The following CNTN6 variants were observed in gnomAD, a reference collection of about 807,000 sequenced individuals.
CNTN6 encodes contactin 6.
A neutral mutation model predicts 122.8 loss-of-function variants in CNTN6; 137 were observed. That is an observed-to-expected ratio of 1.12 (90% CI 0.97 to 1.29). The LOEUF (loss-of-function observed/expected upper bound fraction) is 1.29. Among genes scored for constraint, CNTN6 ranks in the 50% most tolerant of loss-of-function variants. The pLI is 0.00. For synonymous variants in CNTN6, 570 were observed against 426.0 expected (o/e 1.34, Z -4.16); for missense variants, 1,634 against 1,223.4 (o/e 1.34, Z -5.01).
chr3:1,381,034 GTC>G (rs1300638462), intron 17 of CNTN6, among the ~76,000 whole-genome samples: 2 of 152,086 alleles, frequency 1.3e-5, no homozygotes, highest in Non-Finnish European at 2.9e-5. Context: ...ATCTAAATAA[GTC>G]TCTTTTTTCC....
Position 1,121,156 on chromosome 3 carries a change from C to T in CNTN6, c.-82-26771C>T, listed in dbSNP as rs146765636. ...TGGCCTCTTTATTTTCTATGTAACT[C>T]CCTTTCCTTTTTCTGTGTCTTCATA... On this transcript the variant is annotated intron_variant, in intron 1 of 22. Coordinates refer to ENST00000446702, the MANE Select transcript of CNTN6 (RefSeq NM_001289080.2). 6.6e-5 allele frequency among the ~76,000 whole-genome samples: 10 copies of T among 152,006 alleles called. No homozygotes were observed. In the East Asian group the frequency reaches 1.5e-3, roughly 24 times the overall value.
chr3:1,182,973 G>A (rs1183864637), intron 2 of CNTN6, among the ~76,000 whole-genome samples: 1 of 152,000 alleles, frequency 6.6e-6, no homozygotes, highest in Non-Finnish European at 1.5e-5. Flanking sequence ...AGTGATTATT[G>A]TTTAAAAAAA....
chr3:1,131,645 G>C (rs551096468), intron 1 of CNTN6, among the ~76,000 whole-genome samples: 1 of 152,228 alleles, frequency 6.6e-6, no homozygotes, highest in East Asian at 1.9e-4. Flanking sequence ...GAACCTCCAG[G>C]GATAGAGCTG....
intron 11 of CNTN6, among the ~76,000 whole-genome samples, chr3:1,348,155 G>GAAAAAAAAAAAAAAAAAAAAAAAAAAA (rs1457391939): frequency 4.5e-5 from 1 of 21,980 alleles, no homozygotes; most frequent in African/African-American, 4.1e-4. Context: ...CTATGCTATA[G>GAAAAAAAAAAAAAAAAAAAAAAAAAAA]ACAAAAAAAA....
intron 7 of CNTN6, 168 bp downstream of exon 7, chr3:1,298,159 G>T: frequency 1.8e-6 from 1 of 564,944 alleles, no homozygotes; most frequent in Non-Finnish European, 3.1e-6. Flanking sequence ...GTCTAATACT[G>T]AGACAATGAC....
chr3:1,231,726 GTC>G (rs950108135), intron 4 of CNTN6, among the ~76,000 whole-genome samples: 2 of 152,180 alleles, frequency 1.3e-5, no homozygotes, highest in African/African-American at 4.8e-5. Context: ...GATTACAAAA[GTC>G]TCTTTCAGCT....
chr3:1,325,726 C>T (rs1701441875), intron 8 of CNTN6, 89 bp from the exon 9 acceptor site: 2 of 1,387,336 alleles, frequency 1.4e-6, no homozygotes, highest in South Asian at 3.0e-5. Flanking sequence ...TTAGCCTTGT[C>T]CTTCTGATCT....
intron 8 of CNTN6, among the ~76,000 whole-genome samples, chr3:1,324,335 C>CAATTGTGT (rs1701253679): frequency 6.7e-6 from 1 of 149,114 alleles, no homozygotes; most frequent in East Asian, 2.0e-4. Context: ...TTATATTGTG[C>CAATTGTGT]ACAATTTCGA....
chr3:1,252,427 C>A (rs1471890233), intron 4 of CNTN6, among the ~76,000 whole-genome samples: 1 of 152,094 alleles, frequency 6.6e-6, no homozygotes, highest in African/African-American at 2.4e-5. Context: ...ATCACCTGAG[C>A]CAGAGACAAC....
At chr3:1,267,072 C>A (rs936640034) in intron 4 of CNTN6, among the ~76,000 whole-genome samples, 1 of 151,386 alleles carries the variant, frequency 6.6e-6, no homozygotes, top group African/African-American at 2.4e-5. Context: ...CACACTGCCA[C>A]GCCCCACTAA....
Position 1,383,079 on chromosome 3 carries a change from C to T in CNTN6, c.2304C>T (p.Ile768=). The T allele has an allele frequency of 3.1e-6, 5 of 1,614,008 alleles. No individual in the cohort carries two copies. Among genetic ancestry groups the T allele is most frequent in the Non-Finnish European group, 4.2e-6 (5 of 1,179,902 alleles). The change falls in exon 18 of 23, where the codon ATC becomes ATT. Residue 768 remains isoleucine (I), a synonymous_variant. Transcript: ENST00000446702. The stretch of plus-strand genomic sequence containing the variant: ...GGTTTGTCTACAGAAATGAAAGCAT[C>T]ATCCCACTGTCTCCCTTTGAAGTCA... ...SSRFVYRNES[I]IPLSPFEVKV...
chr3:1,197,154 A>G (rs1305971792), intron 2 of CNTN6, among the ~76,000 whole-genome samples: 1 of 152,240 alleles, frequency 6.6e-6, no homozygotes, highest in Non-Finnish European at 1.5e-5. Context: ...TTCAGGTTAT[A>G]GACATAATTG....
At chr3:1,190,487 A>G (rs1205269800) in intron 2 of CNTN6, among the ~76,000 whole-genome samples, 1 of 152,128 alleles carries the variant, frequency 6.6e-6, no homozygotes, top group Non-Finnish European at 1.5e-5. Flanking sequence ...GAGAATTCTA[A>G]ACAGCCTCTA....
intron 11 of CNTN6, among the ~76,000 whole-genome samples, chr3:1,343,489 T>A (rs1242720121): frequency 6.6e-6 from 1 of 152,152 alleles, no homozygotes; most frequent in Non-Finnish European, 1.5e-5. Context: ...AATAATGTGG[T>A]TGTTTGACTA....
chr3:1,388,304 T>A (rs548302110), intron 20 of CNTN6, among the ~76,000 whole-genome samples: 7 of 147,284 alleles, frequency 4.8e-5, no homozygotes, highest in East Asian at 2.0e-4. Flanking sequence ...AGGGGCACAC[T>A]GACACCTCAC....
At chr3:1,152,427 T>G (rs78288038) in intron 2 of CNTN6, among the ~76,000 whole-genome samples, 2 of 151,870 alleles carry the variant, frequency 1.3e-5, no homozygotes, top group African/African-American at 4.8e-5. Context: ...GCATGAGACA[T>G]CACAACCGGT....
intron 4 of CNTN6, among the ~76,000 whole-genome samples, chr3:1,269,360 G>T (rs1434366980): frequency 6.6e-6 from 1 of 152,144 alleles, no homozygotes; most frequent in South Asian, 2.1e-4. Flanking sequence ...AATCTATTTT[G>T]CATGCTACCT....
At chr3:1,328,094 G>GGTA (rs1701793438) in intron 10 of CNTN6, among the ~76,000 whole-genome samples, 1 of 148,628 alleles carries the variant, frequency 6.7e-6, no homozygotes, top group East Asian at 2.0e-4. Context: ...CTATGCTCAA[G>GGTA]GCAGAAGAGC....
In CNTN6 at chr3:1,268,333, C is replaced by T. The variant is rs370058916; in HGVS notation, c.359-10080C>T. Among the ~76,000 whole-genome samples, 294 of 152,248 alleles carry T rather than the reference C, an allele frequency of 1.9e-3. 1 individual carries two copies. Among genetic ancestry groups the T allele is most frequent in the African/African-American group, 6.3e-3 (261 of 41,544 alleles). ...GGCATAAAATAGAGAGTGGGCTGGG[C>T]GCGGTGGCTCACGCTTGTAATCCCA... On this transcript the variant is annotated intron_variant, in intron 4 of 22. Coordinates refer to ENST00000446702, the MANE Select transcript of CNTN6 (RefSeq NM_001289080.2).
Sources: allele counts gnomAD v4.1 joint callset (sites outside exome capture counted in the v4.1 genomes callset), GRCh38; gene constraint gnomAD v4.1.1; transcripts MANE v1.5; gene names NCBI Gene and HGNC (gene_info 2026-07-23, HGNC 2026-07-21).